The following SVEP1 variants were observed in gnomAD, a reference collection of about 807,000 sequenced individuals.
SVEP1 encodes sushi, von Willebrand factor type A, EGF and pentraxin domain containing 1.
Under a neutral mutation model 367.3 loss-of-function variants are expected in SVEP1, and 164 were observed. The ratio of observed to expected loss-of-function variants is 0.45; its 90% CI spans 0.39 to 0.51. SVEP1 has a LOEUF of 0.51. SVEP1 is among the 20% of genes least tolerant of loss of function. The pLI is 0.00. For missense variants in SVEP1, 4,117 were observed against 4,425.3 expected, an observed-to-expected ratio of 0.93 and a Z score of 1.98; for synonymous variants, 1,666 against 1,611.6, an observed-to-expected ratio of 1.03 and a Z score of -0.81.
chr9:110,541,731 C>T (rs1830147091), intron 3 of SVEP1, among the ~76,000 whole-genome samples: 2 of 150,204 alleles, frequency 1.3e-5, no homozygotes, highest in South Asian at 4.2e-4. Flanking sequence ...CACATGCAAT[C>T]TATATACATA....
rs1829761403 is a variant in SVEP1, at chr9:110,514,000, A to G, written c.1071T>C (p.Pro357=). 3 of 1,612,934 alleles carry G rather than the reference A, an allele frequency of 1.9e-6. No individual in the cohort carries two copies. The highest frequency in any genetic ancestry group is 2.5e-6 in the Non-Finnish European group (3 of 1,179,552). ...ATCCCTCTCTGCAGACACAGTCTTC[A>G]GGGGATGTGCTTCCAGGTGGAGAGG... is the stretch of plus-strand genomic sequence containing the variant. ...NHTSPPGSTS[P]EDCVCREGYR... is the part of the protein sequence containing the mutation. Residue 357 remains proline, a synonymous_variant, in exon 4 of 48, where the codon CCT becomes CCC. Transcript: ENST00000374469.
At position 110,455,466 on chromosome 9, in the gene SVEP1, GCTT is replaced by G. The variant is rs547272301; in HGVS notation, c.3787+121_3787+123del. 1.4e-4 allele frequency: 95 copies of G among 686,262 alleles called. No individual in the cohort carries two copies. In the East Asian group the frequency reaches 2.7e-3, roughly 20 times the overall value. 42.5% of individuals were successfully genotyped at this position (686,262 alleles called of 1,614,324 possible). A position where few individuals can be genotyped will look rare whatever the true frequency, so the allele number is the denominator to read the frequency against. On this transcript the variant is annotated intron_variant, in intron 22 of 47. Coordinates refer to ENST00000374469, the MANE Select transcript of SVEP1 (RefSeq NM_153366.4). ...GCAAATAAGTAATATTAGAAAATAT[GCTT>G]CTTCAATATGTTTATAATATTCTAT...
At chr9:110,392,137 A>T (rs1160174291) in intron 40 of SVEP1, among the ~76,000 whole-genome samples, 1 of 145,580 alleles carries the variant, frequency 6.9e-6, no homozygotes, top group African/African-American at 2.6e-5. Context: ...TCCTCATTAT[A>T]TATATATATA....
intron 40 of SVEP1, among the ~76,000 whole-genome samples, chr9:110,393,240 C>T (rs1270634734): frequency 6.6e-6 from 1 of 152,124 alleles, no homozygotes; most frequent in African/African-American, 2.4e-5. Context: ...CAGGAAAACA[C>T]TCCGAATGTA....
At chr9:110,522,491 C>A (rs1829887982) in intron 3 of SVEP1, among the ~76,000 whole-genome samples, 1 of 152,138 alleles carries the variant, frequency 6.6e-6, no homozygotes, top group Admixed American at 6.6e-5. Flanking sequence ...CAAAGAGGCA[C>A]TCAAGGCACT....
chr9:110,423,140 A>T (rs1251163141), intron 36 of SVEP1, among the ~76,000 whole-genome samples: 2 of 136,850 alleles, frequency 1.5e-5, no homozygotes, highest in Non-Finnish European at 3.1e-5. Flanking sequence ...TAATAATAAA[A>T]AAAAAATAAA....
chr9:110,548,779 T>C (rs986016645), intron 2 of SVEP1, among the ~76,000 whole-genome samples: 1 of 152,148 alleles, frequency 6.6e-6, no homozygotes, highest in African/African-American at 2.4e-5. Context: ...CTCACTTCAC[T>C]AAAATCCCAG....
Position 110,466,016 on chromosome 9 carries a change from T to A in SVEP1, c.3171A>T (p.Lys1057Asn). Residue 1057 changes from lysine (K) to asparagine (N), a missense_variant, in exon 18 of 48, where the codon AAA becomes AAT. Lys to Asn is a moderately conservative substitution (Grantham distance 94). This residue lies in a region of SVEP1 where 2,174 missense variants were observed against 2,494.3 expected (regional missense o/e 0.87). Coordinates refer to ENST00000374469, the MANE Select transcript of SVEP1 (RefSeq NM_153366.4). ...GTCCACTGTATGAGTAGGTGCCTTG[T>A]TTACACTGAGCTGAAAAGAAAAAGG... ...RNISDCKAQC[K>N]QGTYSYSGLE... The A allele has an allele frequency of 6.2e-7, 1 of 1,612,582 alleles. No individual in the cohort carries two copies.
intron 12 of SVEP1, 25 bp downstream of exon 12, chr9:110,481,217 A>G (rs536075856): frequency 2.1e-6 from 3 of 1,451,644 alleles, no homozygotes; most frequent in African/African-American, 2.8e-5. Flanking sequence ...ACATTAAAGA[A>G]GTCTAGAATA....
At chr9:110,432,724 G>C (rs1828370518) in intron 30 of SVEP1, 89 bp from the exon 31 acceptor site, 1 of 1,438,826 alleles carries the variant, frequency 7.0e-7, no homozygotes, top group African/African-American at 1.4e-5. Context: ...GTTCAGTTAA[G>C]CATGACATTT....
At chr9:110,429,821 C>G (rs1340649269) in intron 34 of SVEP1, 99 bp downstream of exon 34, 2 of 927,674 alleles carry the variant, frequency 2.2e-6, no homozygotes, top group African/African-American at 3.3e-5. Context: ...CAAAAATGTC[C>G]TCTGCAATTA....
intron 24 of SVEP1, among the ~76,000 whole-genome samples, chr9:110,448,171 T>TTG (rs1554715887): frequency 1.7e-4 from 23 of 134,388 alleles, no homozygotes; most frequent in Non-Finnish European, 3.4e-4. Context: ...GTGCGCGCGC[T>TTG]CGCGCGTGTG....
chr9:110,477,309 G>C (rs570265922), intron 13 of SVEP1, among the ~76,000 whole-genome samples: 2 of 151,942 alleles, frequency 1.3e-5, no homozygotes, highest in African/African-American at 4.8e-5. Context: ...AAGATTCCAC[G>C]ATCCATCACC....
chr9:110,458,225 T>C lies in SVEP1; in HGVS notation c.3576+246A>G, dbSNP rs1242037776. 4 of 595,234 alleles carry C rather than the reference T, an allele frequency of 6.7e-6. No individual in the cohort carries two copies. In the African/African-American group the frequency reaches 7.5e-5, roughly 11 times the overall value. 36.9% of individuals were successfully genotyped at this position (595,234 alleles called of 1,614,324 possible). On this transcript the variant is annotated intron_variant, in intron 20 of 47. Transcript: ENST00000374469. ...TGAATCAAAAGGCTCCCCCTGGATC[T>C]ACTCATTCTTATTGCCAGGCATTTC...
intron 9 of SVEP1, among the ~76,000 whole-genome samples, chr9:110,487,019 C>T (rs12115402): frequency 0.028 from 4,292 of 151,902 alleles, 194 homozygotes; most frequent in African/African-American, 0.098. Flanking sequence ...TGCAATGGTG[C>T]GATCTCAGCT....
In SVEP1 at chr9:110,566,750, A is replaced by G. The variant is rs532566335; in HGVS notation, c.531+12263T>C. On this transcript the variant is annotated intron_variant, in intron 1 of 47. Transcript: ENST00000374469. ...TGTGCAATATTGAGGAGAACATTAC[A>G]GGAGTGGTTAAAGGGCAGTTGTGAC... Among the ~76,000 whole-genome samples the G allele has an allele frequency of 1.6e-3, 245 of 152,358 alleles. 1 individual carries two copies. The highest frequency in any genetic ancestry group is 5.7e-3 in the African/African-American group (239 of 41,576).
At chr9:110,495,639 T>C (rs1407065229) in intron 8 of SVEP1, among the ~76,000 whole-genome samples, 1 of 151,594 alleles carries the variant, frequency 6.6e-6, no homozygotes, top group Non-Finnish European at 1.5e-5. Flanking sequence ...TGTATCCTGA[T>C]TGGTCCAACT....
chr9:110,509,338 T>C (rs1231948667), intron 5 of SVEP1, among the ~76,000 whole-genome samples: 1 of 152,258 alleles, frequency 6.6e-6, no homozygotes, highest in Non-Finnish European at 1.5e-5. Context: ...CTAAATACAC[T>C]GAGCATTAGT....
rs552271707 is a variant in SVEP1 at position 110,495,430 on chromosome 9, G to C, written c.1800+1385C>G. 5.3e-5 allele frequency among the ~76,000 whole-genome samples: 8 copies of C among 152,216 alleles called. No individual in the cohort carries two copies. The South Asian group carries it at 1.7e-3, about 32-fold the overall frequency. ...GAAGGCAGGAGGGTCAGAGTGAAAA[G>C]AAAAAGATGTGGTGGAAATATCACA... On this transcript the variant is annotated intron_variant, in intron 8 of 47. Transcript: ENST00000374469.
Sources: gnomAD v4.1 joint callset for allele counts (sites outside exome capture counted in the v4.1 genomes callset) on GRCh38, gnomAD v4.1.1 for gene constraint, gnomAD v4.1.1 regional missense constraint, MANE v1.5 for transcripts, NCBI Gene and HGNC (gene_info 2026-07-23, HGNC 2026-07-21) for gene names.